Variants in SLC4A4 observed in about 807,000 individuals in gnomAD.
The protein encoded by SLC4A4 is electrogenic sodium bicarbonate cotransporter 1.
A neutral mutation model predicts 111.5 loss-of-function variants in SLC4A4; 27 were observed. The ratio of observed to expected loss-of-function variants is 0.24; its 90% CI spans 0.18 to 0.33. The LOEUF (loss-of-function observed/expected upper bound fraction) is 0.33, where lower values mean the gene tolerates loss of function less well. Ranked by LOEUF, SLC4A4 falls within the 10% of genes least tolerant of loss-of-function variation. The pLI, the probability that SLC4A4 is intolerant of heterozygous loss-of-function variation, is 1.00. For synonymous variants in SLC4A4, 443 were observed against 463.4 expected (o/e 0.96, Z 0.57); for missense variants, 909 against 1,315.5 (o/e 0.69, Z 4.78).
At chr4:71,391,038 A>G (rs1031703804) in intron 6 of SLC4A4, among the ~76,000 whole-genome samples, 7 of 152,126 alleles carry the variant, frequency 4.6e-5, no homozygotes, top group African/African-American at 1.4e-4. Flanking sequence ...TGTTATGCCA[A>G]CAAAGGAAGA....
chr4:71,226,895 C>A (rs1370123135), intron 1 of SLC4A4, among the ~76,000 whole-genome samples: 2 of 151,992 alleles, frequency 1.3e-5, no homozygotes, highest in Non-Finnish European at 2.9e-5. Flanking sequence ...AGTCACTACA[C>A]ATAGTTAGTA....
chr4:71,550,143 G>GT (rs1479842298), intron 20 of SLC4A4, among the ~76,000 whole-genome samples: 1 of 151,902 alleles, frequency 6.6e-6, no homozygotes, highest in Non-Finnish European at 1.5e-5. Context: ...TTTTGTTAAG[G>GT]TTTTCCCCAA....
chr4:71,560,090 C>A lies in SLC4A4; in HGVS notation c.2938-3C>A. 1 of 1,607,450 alleles carries A rather than the reference C, an allele frequency of 6.2e-7. No individual in the cohort carries two copies. Among genetic ancestry groups the A allele is most frequent in the Non-Finnish European group, 8.5e-7 (1 of 1,174,708 alleles). On this transcript the variant is annotated splice_polypyrimidine_tract_variant and splice_region_variant and intron_variant, in intron 22 of 25. Transcript: ENST00000264485. ...TTCATACTTTTAATATTTGCTCTTT[C>A]AGATCTTGGCACTTGTAGCTGTCAG...
chr4:71,486,963 C>T lies in SLC4A4; in HGVS notation c.1919C>T (p.Ser640Phe), dbSNP rs1359979453. ...TTGCTTACAGCTAATATCTCAATAT[C>T]TAATGACACCACACTGGCCCCAGAG... ...VPPDPANISISNDTTLAPEYL... is the reference protein window; with the variant it reads ...VPPDPANISIFNDTTLAPEYL... Residue 640 changes from serine to phenylalanine, a missense_variant, in exon 15 of 26, where the codon TCT becomes TTT. Ser to Phe is a radical substitution (Grantham distance 155). Around this residue, in one of 7 missense-constraint regions of SLC4A4, gnomAD observed 264 missense variants for 356.8 expected, o/e 0.74. Coordinates refer to ENST00000264485, the MANE Select transcript of SLC4A4 (RefSeq NM_001098484.3). 6.3e-7 allele frequency: 1 copy of T among 1,598,676 alleles called. No individual in the cohort carries two copies. The highest frequency in any genetic ancestry group is 8.6e-7 in the Non-Finnish European group (1 of 1,168,356).
At chr4:71,172,544 G>A (rs570947315) in intron 2 of SLC4A4, among the ~76,000 whole-genome samples, 32 of 152,320 alleles carry the variant, frequency 2.1e-4, no homozygotes, top group African/African-American at 4.3e-4. Context: ...GTGAGCCACC[G>A]TGCCTGGCCT....
chr4:71,312,384 A>T (rs1171622410), intron 3 of SLC4A4, among the ~76,000 whole-genome samples: 1 of 152,294 alleles, frequency 6.6e-6, no homozygotes, highest in East Asian at 1.9e-4. Context: ...ATTATTACAA[A>T]CAATAGAAGA....
chr4:71,286,859 T>C (rs1332012879), intron 3 of SLC4A4, among the ~76,000 whole-genome samples: 1 of 151,926 alleles, frequency 6.6e-6, no homozygotes, highest in Non-Finnish European at 1.5e-5. Context: ...ATTCATTCTC[T>C]CTCTGAATCT....
At chr4:71,083,326 A>G (rs1426406454) in intron 1 of SLC4A4, among the ~76,000 whole-genome samples, 7 of 150,858 alleles carry the variant, frequency 4.6e-5, no homozygotes, top group Non-Finnish European at 1.0e-4. Flanking sequence ...ATGTTCATAC[A>G]TTAGATGTAA....
At chr4:71,445,508 T>C (rs1001873071) in intron 8 of SLC4A4, among the ~76,000 whole-genome samples, 29 of 152,152 alleles carry the variant, frequency 1.9e-4, no homozygotes, top group Non-Finnish European at 3.4e-4. Context: ...ATATTATGCA[T>C]TACTGAAAAG....
intron 1 of SLC4A4, among the ~76,000 whole-genome samples, chr4:71,063,518 T>G (rs1741438067): frequency 6.6e-6 from 1 of 152,162 alleles, no homozygotes. Context: ...AAGAAAATAT[T>G]TATTTTCTAT....
chr4:71,200,780 CAT>C (rs1489957231), intron 1 of SLC4A4, among the ~76,000 whole-genome samples: 1 of 149,434 alleles, frequency 6.7e-6, no homozygotes, highest in Non-Finnish European at 1.5e-5. Flanking sequence ...AGGTTCTACA[CAT>C]GTGTCCCAGA....
At chr4:71,429,385 T>G (rs1723442990) in intron 7 of SLC4A4, among the ~76,000 whole-genome samples, 1 of 152,124 alleles carries the variant, frequency 6.6e-6, no homozygotes, top group South Asian at 2.1e-4. Flanking sequence ...ATAGCTGGGT[T>G]GTTGTTGGAA....
At chr4:71,399,862 C>T (rs1306570128) in intron 7 of SLC4A4, among the ~76,000 whole-genome samples, 2 of 152,142 alleles carry the variant, frequency 1.3e-5, no homozygotes, top group East Asian at 3.9e-4. Context: ...CCTTCAGATG[C>T]TAATGTGGAT....
At chr4:71,508,813 A>T (rs1560572702) in intron 16 of SLC4A4, among the ~76,000 whole-genome samples, 1 of 152,206 alleles carries the variant, frequency 6.6e-6, no homozygotes, top group Non-Finnish European at 1.5e-5. Flanking sequence ...AAAAATGAGA[A>T]GTTTAGCCAG....
At chr4:71,496,462 G>A (rs10938142) in intron 15 of SLC4A4, among the ~76,000 whole-genome samples, 20,693 of 151,982 alleles carry the variant, frequency 0.14, 1,922 homozygotes, top group African/African-American at 0.26. Context: ...TAAATTGTGC[G>A]TAGAGTTGCT....
chr4:71,093,445 G>A (rs974534984), intron 2 of SLC4A4, among the ~76,000 whole-genome samples: 4 of 152,138 alleles, frequency 2.6e-5, no homozygotes, highest in East Asian at 1.9e-4. Flanking sequence ...GGGGATTACA[G>A]GCGTGAGCCA....
chr4:71,496,275 C>T (rs181385402), intron 15 of SLC4A4, among the ~76,000 whole-genome samples: 5 of 152,036 alleles, frequency 3.3e-5, no homozygotes, highest in Admixed American at 2.6e-4. Flanking sequence ...TCAAGTAAGT[C>T]GGCTGTTATA....
chr4:71,513,734 C>T (rs1028809017), intron 16 of SLC4A4, among the ~76,000 whole-genome samples: 3 of 152,108 alleles, frequency 2.0e-5, no homozygotes, highest in African/African-American at 7.2e-5. Flanking sequence ...TTCAACTTGT[C>T]CTCATTCAGT....
chr4:71,392,969 C>G (rs970591769), intron 6 of SLC4A4, among the ~76,000 whole-genome samples: 3 of 152,030 alleles, frequency 2.0e-5, no homozygotes, highest in African/African-American at 7.2e-5. Context: ...ATCCAGCATC[C>G]CTTTCTGATT....
Sources: gnomAD v4.1 joint callset for allele counts (sites outside exome capture counted in the v4.1 genomes callset) on GRCh38, gnomAD v4.1.1 for gene constraint, gnomAD v4.1.1 regional missense constraint, MANE v1.5 for transcripts, NCBI Gene and HGNC (gene_info 2026-07-23, HGNC 2026-07-21) for gene names.